Variants in DOCK4 observed in about 807,000 individuals in gnomAD.
DOCK4 encodes the protein dedicator of cytokinesis 4.
In DOCK4, 97 loss-of-function variants were observed where a neutral mutation model predicts 268.1. That is an observed-to-expected ratio of 0.36 (90% CI 0.31 to 0.43). The LOEUF (loss-of-function observed/expected upper bound fraction) is 0.43, where lower values mean the gene tolerates loss of function less well. DOCK4 is among the 20% of genes least tolerant of loss of function. The pLI is 1.00. For missense variants in DOCK4, 2,145 were observed against 2,455.7 expected (o/e 0.87, Z 2.67); for synonymous variants, 954 against 887.2 (o/e 1.08, Z -1.34).
chr7:111,840,210 C>A (rs979376940), intron 25 of DOCK4, among the ~76,000 whole-genome samples: 1 of 152,168 alleles, frequency 6.6e-6, no homozygotes, highest in Non-Finnish European at 1.5e-5. Context: ...TATACACATA[C>A]ATTATTTTTT....
intron 12 of DOCK4, among the ~76,000 whole-genome samples, chr7:111,917,179 GGT>G (rs1460426777): frequency 6.6e-6 from 1 of 151,446 alleles, no homozygotes; most frequent in Non-Finnish European, 1.5e-5. Flanking sequence ...GTAGAGATGG[GGT>G]TTCACCAAGT....
Position 111,760,320 on chromosome 7 carries a change from A to C in DOCK4, c.4023T>G (p.Asn1341Lys), listed in dbSNP as rs1344242344. The C allele has an allele frequency of 6.2e-7, 1 of 1,612,050 alleles. No homozygotes were observed. The highest frequency in any genetic ancestry group is 8.5e-7 in the Non-Finnish European group (1 of 1,178,540). Residue 1341 changes from asparagine (N) to lysine (K), a missense_variant and splice_region_variant, in exon 40 of 53, where the codon AAT (asparagine) becomes AAG (lysine). By Grantham distance (94) the Asn-to-Lys change is moderately conservative. Coordinates refer to ENST00000428084, the MANE Select transcript of DOCK4 (RefSeq NM_001363540.2). ...CATGCCCTCGACACACAAACTCCTT[A>C]TTCTGGAGATGAAAGCAAAAAAGAA... is the stretch of plus-strand genomic sequence containing the variant. ...YGKKFPFFLR[N>K]KEFVCRGHDY... is the part of the protein sequence containing the mutation.
chr7:112,135,032 C>A (rs888424614), intron 1 of DOCK4, among the ~76,000 whole-genome samples: 31 of 151,984 alleles, frequency 2.0e-4, no homozygotes, highest in Middle Eastern at 3.4e-3. Context: ...CCAAAAAAAA[C>A]CCCACAATTT....
At chr7:112,188,966 T>C (rs892623331) in intron 1 of DOCK4, among the ~76,000 whole-genome samples, 4 of 152,208 alleles carry the variant, frequency 2.6e-5, no homozygotes, top group Admixed American at 6.5e-5. Context: ...AAAGAGGGTA[T>C]CCTTCTTCCC....
intron 1 of DOCK4, among the ~76,000 whole-genome samples, chr7:112,116,410 T>A (rs1177293011): frequency 6.6e-6 from 1 of 152,198 alleles, no homozygotes; most frequent in African/African-American, 2.4e-5. Context: ...ATTCATCCCT[T>A]GATGGACACT....
Position 111,739,403 on chromosome 7 carries a change from A to G in DOCK4, c.5115T>C (p.Ser1705=). 6.3e-7 allele frequency: 1 copy of G among 1,588,692 alleles called. No homozygotes were observed. The highest frequency in any genetic ancestry group is 8.6e-7 in the Non-Finnish European group (1 of 1,167,534). ...SPNVTSSAPS[S]ARASPLLSDK... ...CCACACTCTGGCACTGACCTCTGGCACTCGATGGAGCAGAACTTGTCACAT... is the reference window on the plus strand; with the variant it reads ...CCACACTCTGGCACTGACCTCTGGCGCTCGATGGAGCAGAACTTGTCACAT... The change falls in exon 48 of 53, where the codon AGT becomes AGC. Residue 1705 remains serine, a synonymous_variant. Transcript: ENST00000428084.
chr7:112,039,378 G>C (rs990430960), intron 1 of DOCK4, among the ~76,000 whole-genome samples: 2 of 143,182 alleles, frequency 1.4e-5, no homozygotes, highest in Non-Finnish European at 3.1e-5. Flanking sequence ...TCATATGGGG[G>C]GGGGGGCTTA....
chr7:112,062,248 A>G (rs1159318051), intron 1 of DOCK4, among the ~76,000 whole-genome samples: 2 of 152,180 alleles, frequency 1.3e-5, no homozygotes, highest in African/African-American at 4.8e-5. Context: ...ATATTTTTAA[A>G]AATTTTAGAC....
intron 1 of DOCK4, among the ~76,000 whole-genome samples, chr7:112,061,745 A>T (rs1806419415): frequency 6.9e-6 from 1 of 145,078 alleles, no homozygotes; most frequent in Admixed American, 7.0e-5. Context: ...AATGTCACAC[A>T]CACACACACA....
intron 1 of DOCK4, among the ~76,000 whole-genome samples, chr7:112,079,077 A>G (rs1808352505): frequency 6.6e-6 from 1 of 152,188 alleles, no homozygotes; most frequent in Admixed American, 6.5e-5. Flanking sequence ...CAGTGAGCTG[A>G]GATTGTGCCA....
chr7:111,903,785 C>A (rs1019665827), intron 13 of DOCK4, among the ~76,000 whole-genome samples: 5 of 152,000 alleles, frequency 3.3e-5, no homozygotes, highest in Non-Finnish European at 7.4e-5. Flanking sequence ...GTAAAAAAAA[C>A]AACACTCAAA....
At chr7:111,839,356 T>TTGTTTCCATA (rs1803488065) in intron 25 of DOCK4, among the ~76,000 whole-genome samples, 1 of 152,240 alleles carries the variant, frequency 6.6e-6, no homozygotes, top group Non-Finnish European at 1.5e-5. Flanking sequence ...CCATATCATA[T>TTGTTTCCATA]TCACATTGTC....
intron 12 of DOCK4, among the ~76,000 whole-genome samples, chr7:111,922,184 G>A (rs1343271453): frequency 6.6e-6 from 1 of 152,162 alleles, no homozygotes; most frequent in Non-Finnish European, 1.5e-5. Context: ...AAGACACTTA[G>A]CATGTAATTT....
At chr7:111,769,056 C>G (rs1797948768) in intron 37 of DOCK4, among the ~76,000 whole-genome samples, 1 of 152,170 alleles carries the variant, frequency 6.6e-6, no homozygotes, top group Non-Finnish European at 1.5e-5. Flanking sequence ...ATGGCCCTCA[C>G]CAGACACTGT....
chr7:111,922,119 A>G (rs1013770006), intron 12 of DOCK4, among the ~76,000 whole-genome samples: 2 of 152,244 alleles, frequency 1.3e-5, no homozygotes, highest in African/African-American at 4.8e-5. Flanking sequence ...TGCTGTCCTC[A>G]GATACTAGTA....
chr7:111,793,975 T>C (rs1280678959), intron 30 of DOCK4, among the ~76,000 whole-genome samples: 1 of 151,836 alleles, frequency 6.6e-6, no homozygotes, highest in African/African-American at 2.4e-5. Flanking sequence ...CTAAGCTGAG[T>C]GGAAGAGGTA....
At chr7:111,794,157 TAGAGA>T (rs1799736430) in intron 30 of DOCK4, among the ~76,000 whole-genome samples, 1 of 152,062 alleles carries the variant, frequency 6.6e-6, no homozygotes. Context: ...GCCATGGTAA[TAGAGA>T]AAAGGGGCAA....
rs561033417 is a variant in DOCK4, at chr7:112,151,972, A to C, written c.37+54130T>G. Among the ~76,000 whole-genome samples, 126 of 152,066 alleles carry C rather than the reference A, an allele frequency of 8.3e-4. 2 individuals are homozygous for C. The highest frequency in any genetic ancestry group is 2.6e-3 in the African/African-American group (108 of 41,530). ...CACCAAACTGTTATTAAAAAAAAAA[A>C]AAAAAACTAATTCTAGCTAATTGAA... On this transcript the variant is annotated intron_variant, in intron 1 of 52. Transcript: ENST00000428084.
At chr7:112,040,868 T>G (rs1804292185) in intron 1 of DOCK4, among the ~76,000 whole-genome samples, 1 of 152,242 alleles carries the variant, frequency 6.6e-6, no homozygotes, top group South Asian at 2.1e-4. Flanking sequence ...ATGTATATGT[T>G]TATGAACATG....
Sources: allele counts gnomAD v4.1 joint callset (sites outside exome capture counted in the v4.1 genomes callset), GRCh38; gene constraint gnomAD v4.1.1; transcripts MANE v1.5; gene names NCBI Gene and HGNC (gene_info 2026-07-23, HGNC 2026-07-21).